DGKB: variants seen among roughly 807,000 people sequenced by gnomAD.
DGKB encodes 90 kDa diacylglycerol kinase.
Under a neutral mutation model 114.3 loss-of-function variants are expected in DGKB, and 67 were observed. The observed-to-expected ratio is 0.59, with a 90% CI of 0.48 to 0.72. DGKB has a LOEUF of 0.72. Among genes scored for constraint, DGKB ranks in the 30% least tolerant of loss-of-function variants. The pLI, the probability that DGKB is intolerant of heterozygous loss-of-function variation, is 0.00. For synonymous variants in DGKB, 398 were observed against 323.1 expected, an observed-to-expected ratio of 1.23 and a Z score of -2.49; for missense variants, 907 against 975.2, an observed-to-expected ratio of 0.93 and a Z score of 0.93.
intron 25 of DGKB, among the ~76,000 whole-genome samples, chr7:14,159,768 G>T (rs918214709): frequency 6.6e-6 from 1 of 152,144 alleles, no homozygotes; most frequent in Non-Finnish European, 1.5e-5. Flanking sequence ...CGTCTCCTGG[G>T]TTCAAGTGAT....
chr7:14,628,271 A>G lies in DGKB; in HGVS notation c.1167+1965T>C, dbSNP rs1405518211. Among the ~76,000 whole-genome samples, 7 of 150,896 alleles carry G rather than the reference A, an allele frequency of 4.6e-5. 1 individual carries two copies. The highest frequency in any genetic ancestry group is 4.6e-4 in the Admixed American group (7 of 15,102). ...GAAAGAGTCATCTTTATAAAAAATA[A>G]CCTGCAAGCTTTAGAAAGACAAAAT... On this transcript the variant is annotated intron_variant, in intron 14 of 25. Transcript: ENST00000402815.
At chr7:14,656,747 G>GAT (rs71548089) in intron 13 of DGKB, among the ~76,000 whole-genome samples, 2 of 51,504 alleles carry the variant, frequency 3.9e-5, no homozygotes, top group African/African-American at 2.0e-4. Context: ...ATATATATAG[G>GAT]ATATATACAC....
chr7:14,805,832 T>G (rs2128062937), intron 2 of DGKB, among the ~76,000 whole-genome samples: 1 of 150,792 alleles, frequency 6.6e-6, no homozygotes, highest in African/African-American at 2.4e-5. Context: ...TATAGAGTAA[T>G]TTTACCAAAA....
intron 1 of DGKB, among the ~76,000 whole-genome samples, chr7:14,943,814 T>G (rs1785706443): frequency 6.6e-6 from 1 of 151,938 alleles, no homozygotes; most frequent in African/African-American, 2.4e-5. Context: ...ATTAAAAATC[T>G]ATTACTTCTG....
At chr7:14,171,104 A>G (rs906838616) in intron 25 of DGKB, among the ~76,000 whole-genome samples, 1 of 152,194 alleles carries the variant, frequency 6.6e-6, no homozygotes, top group Admixed American at 6.5e-5. Flanking sequence ...TCAGGGCTCA[A>G]TTGCACAATG....
At chr7:14,709,565 C>A (rs985842006) in intron 6 of DGKB, among the ~76,000 whole-genome samples, 3 of 132,654 alleles carry the variant, frequency 2.3e-5, no homozygotes, top group African/African-American at 8.3e-5. Flanking sequence ...TGGAACCAAC[C>A]CAAATGTCCA....
chr7:14,214,601 G>C (rs1479899332), intron 23 of DGKB, among the ~76,000 whole-genome samples: 2 of 151,546 alleles, frequency 1.3e-5, no homozygotes, highest in African/African-American at 2.4e-5. Flanking sequence ...AACATATTTT[G>C]CTCTATTAAT....
At chr7:14,734,562 A>G (rs1831426460) in intron 5 of DGKB, among the ~76,000 whole-genome samples, 1 of 152,238 alleles carries the variant, frequency 6.6e-6, no homozygotes, top group African/African-American at 2.4e-5. Flanking sequence ...TAACAGAAAC[A>G]TAGCACCAGA....
chr7:14,366,580 CT>C (rs902377871), intron 21 of DGKB, among the ~76,000 whole-genome samples: 19 of 152,202 alleles, frequency 1.2e-4, no homozygotes, highest in Non-Finnish European at 2.6e-4. Context: ...GCTTTCTTCT[CT>C]TTCATTTATC....
intron 21 of DGKB, among the ~76,000 whole-genome samples, chr7:14,350,179 C>T (rs752401263): frequency 6.6e-6 from 1 of 152,112 alleles, no homozygotes; most frequent in African/African-American, 2.4e-5. Context: ...GCTTCTTTTA[C>T]GTATCCTGAG....
intron 25 of DGKB, among the ~76,000 whole-genome samples, chr7:14,167,773 G>C (rs1243113530): frequency 6.6e-6 from 1 of 152,158 alleles, no homozygotes; most frequent in Non-Finnish European, 1.5e-5. Flanking sequence ...AGAAGATAGA[G>C]CAGCTTTTGT....
At chr7:14,204,669 G>C (rs190674702) in intron 23 of DGKB, among the ~76,000 whole-genome samples, 1 of 152,118 alleles carries the variant, frequency 6.6e-6, no homozygotes, top group South Asian at 2.1e-4. Flanking sequence ...CTGGCTAAAA[G>C]GAAGTTTAGC....
At chr7:14,412,296 T>A (rs1349649332) in intron 21 of DGKB, among the ~76,000 whole-genome samples, 1 of 152,168 alleles carries the variant, frequency 6.6e-6, no homozygotes, top group African/African-American at 2.4e-5. Flanking sequence ...AGCTAGATGT[T>A]GTTAGAATAA....
intron 23 of DGKB, among the ~76,000 whole-genome samples, chr7:14,233,590 T>A (rs1792257650): frequency 6.6e-6 from 1 of 152,046 alleles, no homozygotes; most frequent in South Asian, 2.1e-4. Context: ...AAAGCAGGAA[T>A]GTTTTCAAAT....
chr7:14,556,654 T>A (rs1384889267), intron 20 of DGKB, among the ~76,000 whole-genome samples: 1 of 152,192 alleles, frequency 6.6e-6, no homozygotes, highest in Non-Finnish European at 1.5e-5. Context: ...ATAATTGTAG[T>A]AATATTGACC....
chr7:14,921,526 AT>A (rs1460457467), intron 1 of DGKB, among the ~76,000 whole-genome samples: 1 of 152,152 alleles, frequency 6.6e-6, no homozygotes, highest in Non-Finnish European at 1.5e-5. Context: ...ACCAAGGGTT[AT>A]TTTGCTCCCC....
Position 14,179,670 on chromosome 7 carries a change from G to T in DGKB, c.2123-1519C>A, listed in dbSNP as rs560678045. Among the ~76,000 whole-genome samples, 58 of 152,104 alleles carry T rather than the reference G, an allele frequency of 3.8e-4. 2 individuals carry two copies. The highest frequency in any genetic ancestry group is 2.0e-4 in the Admixed American group (3 of 15,258). On this transcript the variant is annotated intron_variant, in intron 23 of 25. Coordinates refer to ENST00000402815, the MANE Select transcript of DGKB (RefSeq NM_001350709.2). ...ATAGTGCTTTGCAATCTCCAAGTTC[G>T]TTAAGCCCAGGATCGTAGGTAAATT...
chr7:14,465,978 G>A (rs779038666), intron 21 of DGKB, among the ~76,000 whole-genome samples: 12 of 152,208 alleles, frequency 7.9e-5, no homozygotes, highest in South Asian at 2.1e-4. Context: ...GGAAGTAGAC[G>A]TTTGCATGTG....
At chr7:14,955,972 C>A (rs1327469359) in intron 1 of DGKB, among the ~76,000 whole-genome samples, 2 of 151,810 alleles carry the variant, frequency 1.3e-5, no homozygotes, top group South Asian at 4.2e-4. Context: ...GTATGTGTAG[C>A]CTGAATGAGA....
Sources: gnomAD v4.1 joint callset for allele counts (sites outside exome capture counted in the v4.1 genomes callset) on GRCh38, gnomAD v4.1.1 for gene constraint, MANE v1.5 for transcripts, NCBI Gene and HGNC (gene_info 2026-07-23, HGNC 2026-07-21) for gene names.